The following NTN4 variants were observed in gnomAD, a reference collection of about 807,000 sequenced individuals.
NTN4 encodes netrin 4, also known as netrin-4.
In NTN4, 32 loss-of-function variants were observed where a neutral mutation model predicts 73.6. The observed-to-expected ratio is 0.44, with a 90% CI of 0.33 to 0.58. The LOEUF (loss-of-function observed/expected upper bound fraction) is 0.58, where lower values mean the gene tolerates loss of function less well. Ranked by LOEUF, NTN4 falls within the 20% of genes least tolerant of loss-of-function variation. The pLI is 0.04. For missense variants in NTN4, 654 were observed against 798.3 expected (o/e 0.82, Z 2.18); for synonymous variants, 258 against 287.5 (o/e 0.90, Z 1.04).
chr12:95,743,481 A>T (rs1307570437), intron 2 of NTN4, among the ~76,000 whole-genome samples: 2 of 152,100 alleles, frequency 1.3e-5, no homozygotes, highest in Admixed American at 1.3e-4. Flanking sequence ...TTGATTTGAG[A>T]TGTTTCTTTT....
chr12:95,706,994 G>A (rs938513510), intron 5 of NTN4, among the ~76,000 whole-genome samples: 2 of 152,178 alleles, frequency 1.3e-5, no homozygotes, highest in Non-Finnish European at 2.9e-5. Context: ...GATGCTGATG[G>A]TGCTGGTCCA....
chr12:95,787,083 G>T lies in NTN4; in HGVS notation c.441C>A (p.Ser147=), dbSNP rs1318275813. The T allele has an allele frequency of 6.2e-7, 1 of 1,614,216 alleles. No homozygotes were observed. The highest frequency in any genetic ancestry group is 1.7e-5 in the Admixed American group (1 of 60,028). ...GCTTCCATGTTTTCCCAAAGTCCTG[G>T]GAGCGGTCCAGCACCATGGCAGCCG... The part of the protein sequence containing the change: ...PRPAAMVLDR[S]QDFGKTWKPY... The change falls in exon 2 of 10, where the codon TCC becomes TCA. Residue 147 remains serine (S), a synonymous_variant. Coordinates refer to ENST00000343702, the MANE Select transcript of NTN4 (RefSeq NM_021229.4).
chr12:95,747,326 T>C (rs1460560279), intron 2 of NTN4, among the ~76,000 whole-genome samples: 1 of 152,120 alleles, frequency 6.6e-6, no homozygotes, highest in Non-Finnish European at 1.5e-5. Flanking sequence ...TATATATGTA[T>C]GTATTGTTTT....
chr12:95,688,736 T>G (rs2078380588), intron 5 of NTN4, among the ~76,000 whole-genome samples: 1 of 142,730 alleles, frequency 7.0e-6, no homozygotes, highest in African/African-American at 2.6e-5. Context: ...GGAGGAGCAA[T>G]AACTTTCAAA....
intron 3 of NTN4, among the ~76,000 whole-genome samples, chr12:95,734,159 A>C (rs1265813804): frequency 6.6e-6 from 1 of 152,142 alleles, no homozygotes; most frequent in Non-Finnish European, 1.5e-5. Context: ...TAGTTTAAGA[A>C]ATAGGGTGCC....
intron 5 of NTN4, among the ~76,000 whole-genome samples, chr12:95,707,675 G>A (rs1196387027): frequency 6.6e-6 from 1 of 152,042 alleles, no homozygotes; most frequent in Non-Finnish European, 1.5e-5. Context: ...AGCTCCTTGA[G>A]GGCAAGGATC....
intron 2 of NTN4, among the ~76,000 whole-genome samples, chr12:95,750,565 T>C (rs975462179): frequency 1.1e-4 from 16 of 152,174 alleles, no homozygotes; most frequent in Admixed American, 4.6e-4. Flanking sequence ...TGTCGTAAAA[T>C]AGGCAAATGG....
chr12:95,673,872 A>C (rs545428826), intron 7 of NTN4: 1 of 152,276 alleles, frequency 6.6e-6, no homozygotes, highest in East Asian at 1.9e-4. Flanking sequence ...TGTGTCTTTC[A>C]CTGACTGATT....
chr12:95,661,941 T>A (rs1592804271), intron 9 of NTN4, among the ~76,000 whole-genome samples: 1 of 152,114 alleles, frequency 6.6e-6, no homozygotes, highest in African/African-American at 2.4e-5. Context: ...CATTTTGGGA[T>A]CAGTTGGGAA....
chr12:95,690,623 A>C (rs1002610418), intron 5 of NTN4, among the ~76,000 whole-genome samples: 4 of 152,132 alleles, frequency 2.6e-5, no homozygotes. Flanking sequence ...CATTTGGATT[A>C]TATAATATGC....
Position 95,694,351 on chromosome 12 carries a change from G to A in NTN4, c.1181-10640C>T, listed in dbSNP as rs553854285. ...ACTCCCTCCGCGCGGCCACTCCCTC[G>A]GCAGCGCCTCCAGGCTCCCAACATT... On this transcript the variant is annotated intron_variant, in intron 5 of 9. Transcript: ENST00000343702. Among the ~76,000 whole-genome samples, 73 of 129,676 alleles carry A rather than the reference G, an allele frequency of 5.6e-4. No individual in the cohort carries two copies. In the East Asian group the frequency reaches 0.015, roughly 26 times the overall value. The allele number at this position is 129,676 out of a possible 152,430, so 85.1% of individuals were successfully genotyped here.
chr12:95,662,257 G>A (rs1441263997), intron 9 of NTN4, among the ~76,000 whole-genome samples: 1 of 137,200 alleles, frequency 7.3e-6, no homozygotes, highest in Non-Finnish European at 1.5e-5. Flanking sequence ...TTTTGACAGG[G>A]TCTCACTCTG....
chr12:95,775,971 G>A (rs752612055), intron 2 of NTN4, among the ~76,000 whole-genome samples: 2 of 152,198 alleles, frequency 1.3e-5, no homozygotes, highest in Non-Finnish European at 2.9e-5. Context: ...AACTTCCAGA[G>A]GAACGATCGG....
intron 4 of NTN4, among the ~76,000 whole-genome samples, chr12:95,712,155 C>T (rs921227013): frequency 6.6e-6 from 1 of 152,166 alleles, no homozygotes; most frequent in African/African-American, 2.4e-5. Context: ...TGGGCACGCG[C>T]ATTTCTCTGA....
chr12:95,678,600 T>C (rs1216870615), intron 7 of NTN4, among the ~76,000 whole-genome samples: 2 of 152,032 alleles, frequency 1.3e-5, no homozygotes, highest in Admixed American at 1.3e-4. Flanking sequence ...TTCCATCAAA[T>C]TTGGGAAAAC....
chr12:95,702,708 G>T (rs1394588545), intron 5 of NTN4, among the ~76,000 whole-genome samples: 1 of 152,012 alleles, frequency 6.6e-6, no homozygotes, highest in Non-Finnish European at 1.5e-5. Context: ...ATCTCTTAGG[G>T]AAGATCTTCT....
intron 7 of NTN4, among the ~76,000 whole-genome samples, chr12:95,682,054 A>C (rs2078319978): frequency 2.1e-5 from 1 of 48,294 alleles, no homozygotes; most frequent in East Asian, 8.5e-4. Flanking sequence ...TATATTCAGT[A>C]GGCTTTTTTT....
chr12:95,789,284 T>C lies in NTN4; in HGVS notation c.55+971A>G, dbSNP rs1461712870. On this transcript the variant is annotated intron_variant, in intron 1 of 9. Transcript: ENST00000343702. The surrounding 1 kb of genome is among the most constrained non-coding windows in gnomAD (Gnocchi z 4.0). ...AAGAGTGGAAGCCCAAGGGAGGAGATGCGTGCTACAATGTTCTGTAGCCAC... is the reference window on the plus strand; with the variant it reads ...AAGAGTGGAAGCCCAAGGGAGGAGACGCGTGCTACAATGTTCTGTAGCCAC... 6.6e-6 allele frequency among the ~76,000 whole-genome samples: 1 copy of C among 152,156 alleles called. No individual in the cohort carries two copies. Among genetic ancestry groups the C allele is most frequent in the Non-Finnish European group, 1.5e-5 (1 of 68,022 alleles).
At chr12:95,725,302 G>C (rs11108216) in intron 3 of NTN4, among the ~76,000 whole-genome samples, 2 of 152,004 alleles carry the variant, frequency 1.3e-5, no homozygotes, top group African/African-American at 4.8e-5. Context: ...GAAGGAAGGT[G>C]TTGTAGGGTT....
Sources: gnomAD v4.1 joint callset for allele counts (sites outside exome capture counted in the v4.1 genomes callset) on GRCh38, gnomAD v4.1.1 for gene constraint, Gnocchi (gnomAD v3.1) non-coding constraint, MANE v1.5 for transcripts, NCBI Gene and HGNC (gene_info 2026-07-23, HGNC 2026-07-21) for gene names.